Variants in ZNF260 observed in about 807,000 individuals in gnomAD.
ZNF260 encodes zfp-260.
Under a neutral mutation model 29.3 loss-of-function variants are expected in ZNF260, and 21 were observed. The observed-to-expected ratio is 0.72, with a 90% CI of 0.51 to 1.03. The LOEUF is 1.03. ZNF260 is among the 50% of genes least tolerant of loss of function. The pLI is 0.00. For synonymous variants in ZNF260, 156 were observed against 156.8 expected (o/e 0.99, Z 0.04); for missense variants, 465 against 487.8 (o/e 0.95, Z 0.44).
intron 2 of ZNF260, among the ~76,000 whole-genome samples, chr19:36,524,401 G>A (rs2034694327): frequency 6.6e-6 from 1 of 151,512 alleles, no homozygotes; most frequent in Non-Finnish European, 1.5e-5. Flanking sequence ...GGATGGTCGT[G>A]ATCTCCTGAC....
chr19:36,513,558 C>T lies in ZNF260; in HGVS notation c.*442G>A. ...TGCACACATTTCTGAATTCAATATT[C>T]TGTCTCAGTCTCAGTTTTATGACTG... is the stretch of plus-strand genomic sequence containing the variant. On this transcript the variant is annotated 3_prime_UTR_variant, in exon 3 of 3. Coordinates refer to ENST00000523638, the MANE Select transcript of ZNF260 (RefSeq NM_001166037.2). 2.5e-6 allele frequency: 1 copy of T among 400,264 alleles called. No individual in the cohort carries two copies. Among genetic ancestry groups the T allele is most frequent in the Non-Finnish European group, 4.4e-6 (1 of 226,456 alleles). 24.8% of individuals were successfully genotyped at this position (400,264 alleles called of 1,614,324 possible).
At position 36,515,020 on chromosome 19, in the gene ZNF260, G is replaced by T; in HGVS notation, c.219C>A (p.His73Gln). 6.2e-7 allele frequency: 1 copy of T among 1,614,054 alleles called. No homozygotes were observed. ...CCTTCTTTCCTGTGTGACTTCTAAG[G>T]TGTAGAGTAAGAGATGAGACTCGAG... ...VCSRVSSLTL[H>Q]LRSHTGKKAY... The change falls in exon 3 of 3, where the codon CAC (histidine) becomes CAA (glutamine). Residue 73 changes from histidine (H) to glutamine (Q), a missense_variant. Coordinates refer to ENST00000523638, the MANE Select transcript of ZNF260 (RefSeq NM_001166037.2).
In ZNF260 at chr19:36,514,653, C is replaced by T; in HGVS notation, c.586G>A (p.Glu196Lys). 1 of 1,613,866 alleles carries T rather than the reference C, an allele frequency of 6.2e-7. No homozygotes were observed. Among genetic ancestry groups the T allele is most frequent in the East Asian group, 2.2e-5 (1 of 44,838 alleles). Residue 196 changes from glutamate (E) to lysine (K), a missense_variant, in exon 3 of 3, where the codon GAG becomes AAG. Transcript: ENST00000523638. ...TTCTGGCTAAAAGCTTTTCCACACT[C>T]ACTACATTTAAAGGGCTTCTTTCCA... ...HTGKKPFKCS[E>K]CGKAFSQKEN...
intron 2 of ZNF260, among the ~76,000 whole-genome samples, chr19:36,517,547 G>C (rs539711693): frequency 3.7e-4 from 56 of 152,344 alleles, no homozygotes; most frequent in African/African-American, 1.3e-3. Context: ...TGCTCTGTCA[G>C]TGGAGAAACT....
intron 1 of ZNF260, among the ~76,000 whole-genome samples, chr19:36,525,957 C>T (rs963024331): frequency 2.6e-5 from 4 of 152,148 alleles, no homozygotes; most frequent in Admixed American, 6.5e-5. Context: ...TGTGACCTTG[C>T]TCCTGAGTGA....
chr19:36,519,998 G>A (rs550122979), intron 2 of ZNF260, among the ~76,000 whole-genome samples: 4 of 151,672 alleles, frequency 2.6e-5, no homozygotes, highest in Non-Finnish European at 4.4e-5. Flanking sequence ...TTAGGAGTTC[G>A]AGACCAGCCT....
In ZNF260 at chr19:36,515,407, G is replaced by A; in HGVS notation, c.-169C>T. The A allele has an allele frequency of 3.2e-6, 2 of 622,026 alleles. No individual in the cohort carries two copies. The highest frequency in any genetic ancestry group is 5.3e-6 in the Non-Finnish European group (2 of 375,412). The allele number at this position is 622,026 out of a possible 1,614,324, so 38.5% of individuals were successfully genotyped here. On this transcript the variant is annotated 5_prime_UTR_variant, in exon 3 of 3. Transcript: ENST00000523638. ...ACTTTTCTCACATTGATTACCCTGA[G>A]ATGAGATGATTACAAAAAGGGATAA...
At chr19:36,517,799 G>A (rs2034576018) in intron 2 of ZNF260, among the ~76,000 whole-genome samples, 1 of 151,962 alleles carries the variant, frequency 6.6e-6, no homozygotes, top group Non-Finnish European at 1.5e-5. Flanking sequence ...GTTACTAGCT[G>A]TCAGATGATG....
rs1555778563 is a variant in ZNF260, at chr19:36,511,678, G to A, written c.*2322C>T. The A allele has an allele frequency of 2.0e-5, 3 of 151,824 alleles. No homozygotes were observed. The highest frequency in any genetic ancestry group is 4.8e-5 in the African/African-American group (2 of 41,342). The allele number at this position is 151,824 out of a possible 1,614,324, so 9.4% of individuals were successfully genotyped here. A position where few individuals can be genotyped will look rare whatever the true frequency, so the allele number is the denominator to read the frequency against. On this transcript the variant is annotated 3_prime_UTR_variant, in exon 3 of 3. Coordinates refer to ENST00000523638, the MANE Select transcript of ZNF260 (RefSeq NM_001166037.2). ...AAAAAAAAAAAAAATCATTAGTAGC[G>A]TTCTCTGTCAGTTTATTGTGGAAAG...
intron 1 of ZNF260, among the ~76,000 whole-genome samples, chr19:36,526,839 C>T (rs938793309): frequency 6.6e-6 from 1 of 152,182 alleles, no homozygotes; most frequent in Non-Finnish European, 1.5e-5. Flanking sequence ...CAAACATATA[C>T]ATTTATGATT....
intron 2 of ZNF260, among the ~76,000 whole-genome samples, chr19:36,521,917 T>C (rs1470257998): frequency 6.7e-6 from 1 of 150,242 alleles, no homozygotes; most frequent in Non-Finnish European, 1.5e-5. Context: ...TGCTTGGTGG[T>C]GGGCGCCTGT....
rs1161066677 is a variant in ZNF260 at position 36,528,209 on chromosome 19, C to CCCAAGTCCCACAGGGCCGAAAG, written c.-681+9_-681+10insCTTTCGGCCCTGTGGGACTTGG. On this transcript the variant is annotated intron_variant, in intron 1 of 2. Coordinates refer to ENST00000523638, the MANE Select transcript of ZNF260 (RefSeq NM_001166037.2). ...AAACCCAAGTCCCACAGGGCCGAAA[C>CCCAAGTCCCACAGGGCCGAAAG]CCAACTCACCGGCAGACAAAGACGA... The CCCAAGTCCCACAGGGCCGAAAG allele has an allele frequency of 2.0e-5, 3 of 152,544 alleles. No individual in the cohort carries two copies. Among genetic ancestry groups the CCCAAGTCCCACAGGGCCGAAAG allele is most frequent in the African/African-American group, 7.2e-5 (3 of 41,566 alleles). 9.4% of individuals were successfully genotyped at this position (152,544 alleles called of 1,614,324 possible).
At chr19:36,518,552 A>G (rs2034590453) in intron 2 of ZNF260, among the ~76,000 whole-genome samples, 1 of 152,188 alleles carries the variant, frequency 6.6e-6, no homozygotes, top group African/African-American at 2.4e-5. Flanking sequence ...AAAAAGGAAG[A>G]ATGGAGGAAG....
intron 2 of ZNF260, among the ~76,000 whole-genome samples, chr19:36,524,517 G>GTTTTTTTTTTTTTTTTTGT (rs61184857): frequency 1.1e-5 from 1 of 90,972 alleles, no homozygotes; most frequent in Non-Finnish European, 2.3e-5. Context: ...TTACATGCTA[G>GTTTTTTTTTTTTTTTTTGT]TTTTTTTTTT....
chr19:36,518,992 T>C (rs1408481235), intron 2 of ZNF260, among the ~76,000 whole-genome samples: 4 of 151,208 alleles, frequency 2.6e-5, no homozygotes, highest in Non-Finnish European at 5.9e-5. Flanking sequence ...ATGATTACCC[T>C]ACTGAACTCC....
chr19:36,514,829 G>T lies in ZNF260; in HGVS notation c.410C>A (p.Ala137Glu). Residue 137 changes from alanine to glutamate, a missense_variant, in exon 3 of 3, where the codon GCA becomes GAA. Coordinates refer to ENST00000523638, the MANE Select transcript of ZNF260 (RefSeq NM_001166037.2). ...QKNHTGTKPY[A>E]CKECGKAFNG... ...AAAGGCTTTGCCACATTCCTTACAT[G>T]CATAGGGTTTGGTTCCTGTATGATT... 6.2e-7 allele frequency: 1 copy of T among 1,613,864 alleles called. No individual in the cohort carries two copies. The highest frequency in any genetic ancestry group is 1.1e-5 in the South Asian group (1 of 91,074).
chr19:36,511,045 A>G lies in ZNF260; in HGVS notation c.*2955T>C, dbSNP rs1289779789. 1 of 152,206 alleles carries G rather than the reference A, an allele frequency of 6.6e-6. No homozygotes were observed. The allele number at this position is 152,206 out of a possible 1,614,324, so 9.4% of individuals were successfully genotyped here. On this transcript the variant is annotated 3_prime_UTR_variant, in exon 3 of 3. Coordinates refer to ENST00000523638, the MANE Select transcript of ZNF260 (RefSeq NM_001166037.2). ...AGTTTAGATTCATGTACACATACAT[A>G]TATTTTATTTGGGTATATTACCTCA...
intron 2 of ZNF260, among the ~76,000 whole-genome samples, chr19:36,516,639 CAT>C (rs2034555414): frequency 6.6e-6 from 1 of 152,102 alleles, no homozygotes; most frequent in Non-Finnish European, 1.5e-5. Context: ...AGCGCAGTGG[CAT>C]GATCTCGGCT....
rs997127161 is a variant in ZNF260 at position 36,512,414 on chromosome 19, T to G, written c.*1586A>C. The G allele has an allele frequency of 6.6e-6, 1 of 152,144 alleles. No individual in the cohort carries two copies. The highest frequency in any genetic ancestry group is 6.5e-5 in the Admixed American group (1 of 15,270). The allele number at this position is 152,144 out of a possible 1,614,324, so 9.4% of individuals were successfully genotyped here. On this transcript the variant is annotated 3_prime_UTR_variant, in exon 3 of 3. Coordinates refer to ENST00000523638, the MANE Select transcript of ZNF260 (RefSeq NM_001166037.2). ...TATTACCACCACCCAGAATTAATAT[T>G]TCGTTATGTTTACTTAGAATGTTTC...
Sources: allele counts gnomAD v4.1 joint callset (sites outside exome capture counted in the v4.1 genomes callset), GRCh38; gene constraint gnomAD v4.1.1; transcripts MANE v1.5; gene names NCBI Gene and HGNC (gene_info 2026-07-23, HGNC 2026-07-21).